Variants in TEX14 observed in about 807,000 individuals in gnomAD.
TEX14 encodes the protein testis expressed 14, intercellular bridge forming factor, also known as inactive serine/threonine-protein kinase TEX14.
TEX14 carries 168 observed loss-of-function variants against 178.6 expected under a neutral mutation model. The ratio of observed to expected loss-of-function variants is 0.94; its 90% CI spans 0.83 to 1.07. TEX14 has a LOEUF of 1.07. TEX14 is among the 50% of genes least tolerant of loss of function. The pLI is 0.00. For synonymous variants in TEX14, 626 were observed against 634.1 expected, an observed-to-expected ratio of 0.99 and a Z score of 0.19; for missense variants, 1,730 against 1,753.6, an observed-to-expected ratio of 0.99 and a Z score of 0.24.
At chr17:58,639,754 A>G (rs1261765592) in intron 2 of TEX14, among the ~76,000 whole-genome samples, 1 of 152,106 alleles carries the variant, frequency 6.6e-6, no homozygotes, top group Admixed American at 6.6e-5. Context: ...ATCAGGCTGG[A>G]TCCGGTAATT....
intron 26 of TEX14, among the ~76,000 whole-genome samples, chr17:58,568,555 G>A (rs2044452033): frequency 2.0e-5 from 3 of 152,276 alleles, no homozygotes; most frequent in South Asian, 2.1e-4. Context: ...CAAGAAAGGC[G>A]CAGTCAAGTC....
chr17:58,565,951 G>T, intron 26 of TEX14, 127 bp from the exon 27 acceptor site: 1 of 700,558 alleles, frequency 1.4e-6, no homozygotes, highest in South Asian at 1.8e-5. Context: ...GAACTCGTTA[G>T]GAATGCAAAT....
chr17:58,621,697 C>T lies in TEX14; in HGVS notation c.507G>A (p.Pro169=), dbSNP rs201012830. 8.7e-6 allele frequency: 14 copies of T among 1,614,168 alleles called. No homozygotes were observed. In the South Asian group the frequency reaches 9.9e-5, roughly 11 times the overall value. The change falls in exon 5 of 32, where the codon CCG becomes CCA. Residue 169 remains proline, a synonymous_variant. Transcript: ENST00000349033. ...SYDLLKKIDS[P]QRLVYSPSWC... The stretch of plus-strand genomic sequence containing the variant: ...AGGACGGGCTGTAGACAAGCCGCTG[C>T]GGGGAGTCTATCTTCTTCAGGAGGT...
At chr17:58,646,710 C>G (rs911489928) in intron 2 of TEX14, among the ~76,000 whole-genome samples, 2 of 152,152 alleles carry the variant, frequency 1.3e-5, no homozygotes, top group African/African-American at 4.8e-5. Flanking sequence ...ACCCCATAGA[C>G]AAGGAGGCTC....
intron 28 of TEX14, 32 bp downstream of exon 28, chr17:58,564,837 A>T: frequency 7.5e-7 from 1 of 1,335,598 alleles, no homozygotes; most frequent in Non-Finnish European, 1.0e-6. Context: ...CAATTTTTTA[A>T]ATCCTTTCAA....
At position 58,569,200 on chromosome 17, in the gene TEX14, T is replaced by C; in HGVS notation, c.3878A>G (p.Asp1293Gly). Reference sequence around the variant, plus strand: ...TATTGAACATCTCTTACCAATGTCATCAAGTAGCTCCTGAGATGGTGGTGG... The same window carrying C: ...TATTGAACATCTCTTACCAATGTCACCAAGTAGCTCCTGAGATGGTGGTGG... Reference protein sequence around the residue: ...ELPPPSQELLDDIELLKQQQG... With the variant: ...ELPPPSQELLGDIELLKQQQG... The change falls in exon 26 of 32, where the codon GAT becomes GGT. Residue 1293 changes from aspartate to glycine, a missense_variant. Asp to Gly is a moderately conservative substitution (Grantham distance 94). Around this residue, in one of 2 missense-constraint regions of TEX14, gnomAD observed 941 missense variants for 1,072.4 expected, o/e 0.88. Coordinates refer to ENST00000349033, the MANE Select transcript of TEX14 (RefSeq NM_031272.5). This position sits in a 1 kb window ranked among gnomAD's most constrained non-coding sequence, Gnocchi z 4.1. 6.2e-7 allele frequency: 1 copy of C among 1,613,778 alleles called. No homozygotes were observed. Among genetic ancestry groups the C allele is most frequent in the Non-Finnish European group, 8.5e-7 (1 of 1,179,674 alleles).
At chr17:58,605,789 A>C (rs1053031828) in intron 10 of TEX14, among the ~76,000 whole-genome samples, 1 of 152,182 alleles carries the variant, frequency 6.6e-6, no homozygotes, top group African/African-American at 2.4e-5. Context: ...CTGACTGCCT[A>C]ATCTAAAGTA....
chr17:58,686,178 T>A (rs530107889), intron 1 of TEX14, among the ~76,000 whole-genome samples: 7 of 152,018 alleles, frequency 4.6e-5, no homozygotes, highest in Admixed American at 2.0e-4. Context: ...TTTACAAAAA[T>A]TTTTAAAAAT....
rs923635853 is a variant in TEX14 at position 58,563,992 on chromosome 17, G to GA, written c.4064+876dup. Among the ~76,000 whole-genome samples the GA allele has an allele frequency of 6.6e-4, 98 of 148,382 alleles. 1 individual carries two copies. Among genetic ancestry groups the GA allele is most frequent in the Admixed American group, 5.5e-3 (81 of 14,796 alleles). ...CCATTAGGATGGCTACTATATTTAA[G>GA]AAAAAAAAAGCCTCCACCCCCACAA... On this transcript the variant is annotated intron_variant, in intron 28 of 31. Coordinates refer to ENST00000349033, the MANE Select transcript of TEX14 (RefSeq NM_031272.5).
chr17:58,688,092 T>A (rs1458286447), intron 1 of TEX14, among the ~76,000 whole-genome samples: 1 of 152,146 alleles, frequency 6.6e-6, no homozygotes, highest in Non-Finnish European at 1.5e-5. Context: ...GTACTCTACT[T>A]CGGCACTTTT....
Position 58,573,173 on chromosome 17 carries a change from G to A in TEX14, c.3511+8C>T. On this transcript the variant is annotated splice_region_variant and intron_variant, in intron 23 of 31. Coordinates refer to ENST00000349033, the MANE Select transcript of TEX14 (RefSeq NM_031272.5). ...TTCTCCCCAAACACTTCTCTTCCCTGTGATTACCTGGGCTGAGTGGAGTGC... is the reference window on the plus strand; with the variant it reads ...TTCTCCCCAAACACTTCTCTTCCCTATGATTACCTGGGCTGAGTGGAGTGC... The A allele has an allele frequency of 6.2e-7, 1 of 1,613,672 alleles. No homozygotes were observed. Among genetic ancestry groups the A allele is most frequent in the Admixed American group, 1.7e-5 (1 of 59,996 alleles).
chr17:58,678,853 T>A (rs111978071), intron 1 of TEX14, among the ~76,000 whole-genome samples: 4 of 146,798 alleles, frequency 2.7e-5, no homozygotes, highest in African/African-American at 1.0e-4. Flanking sequence ...ATAATAATAA[T>A]AAAAGAGAAG....
intron 1 of TEX14, among the ~76,000 whole-genome samples, chr17:58,683,015 T>C (rs2047525828): frequency 6.9e-6 from 1 of 145,246 alleles, no homozygotes; most frequent in South Asian, 2.2e-4. Flanking sequence ...ATCGCGCCAT[T>C]GCACTCCAGC....
Position 58,604,975 on chromosome 17 carries a change from T to G in TEX14, c.1336+3A>C, listed in dbSNP as rs746055535. On this transcript the variant is annotated splice_donor_region_variant and intron_variant, in intron 11 of 31. Transcript: ENST00000349033. ...TGGTCAACCATTAATGATCTTGATC[T>G]ACCTGTTAAAATCTCCTGCATGATC... The G allele has an allele frequency of 1.9e-6, 3 of 1,614,172 alleles. No homozygotes were observed. Among genetic ancestry groups the G allele is most frequent in the Non-Finnish European group, 1.7e-6 (2 of 1,179,992 alleles).
At chr17:58,637,197 G>A (rs1019633536) in intron 2 of TEX14, among the ~76,000 whole-genome samples, 1 of 152,168 alleles carries the variant, frequency 6.6e-6, no homozygotes, top group Non-Finnish European at 1.5e-5. Context: ...CTCCAGCCTG[G>A]GTGACAGAAC....
At chr17:58,570,262 A>T in intron 25 of TEX14, 123 bp downstream of exon 25, 1 of 561,278 alleles carries the variant, frequency 1.8e-6, no homozygotes, top group Non-Finnish European at 3.0e-6. Context: ...AGTGTGTTTT[A>T]CTTTTATAAT....
At chr17:58,557,778 A>G (rs773044759) in intron 31 of TEX14, 21 bp downstream of exon 31, 15 of 1,602,134 alleles carry the variant, frequency 9.4e-6, no homozygotes, top group Non-Finnish European at 1.3e-5. Flanking sequence ...TTTGATCTAC[A>G]AACATCTGAT....
rs78090467 is a variant in TEX14 at position 58,607,846 on chromosome 17, G to A, written c.1185-2717C>T. Reference sequence around the variant, plus strand: ...TCCAATCATTTAAGAAACATTTACCGGCCAGCCGTAGTGGCTCATGCCTGT... The same window carrying A: ...TCCAATCATTTAAGAAACATTTACCAGCCAGCCGTAGTGGCTCATGCCTGT... On this transcript the variant is annotated intron_variant, in intron 10 of 31. Coordinates refer to ENST00000349033, the MANE Select transcript of TEX14 (RefSeq NM_031272.5). Among the ~76,000 whole-genome samples the A allele has an allele frequency of 1.6e-3, 238 of 152,248 alleles. 3 individuals carry two copies. The highest frequency in any genetic ancestry group is 5.5e-3 in the African/African-American group (229 of 41,534).
intron 1 of TEX14, among the ~76,000 whole-genome samples, chr17:58,670,725 A>G (rs1477964708): frequency 7.5e-6 from 1 of 133,798 alleles, no homozygotes; most frequent in Non-Finnish European, 1.5e-5. Context: ...GTGAGTCAAG[A>G]TTGCGCCACT....
Sources: allele counts gnomAD v4.1 joint callset (sites outside exome capture counted in the v4.1 genomes callset), GRCh38; gene constraint gnomAD v4.1.1; regional missense constraint gnomAD v4.1.1; non-coding constraint Gnocchi (gnomAD v3.1); transcripts MANE v1.5; gene names NCBI Gene and HGNC (gene_info 2026-07-23, HGNC 2026-07-21).